IMPG2: variants seen among roughly 807,000 people sequenced by gnomAD.
IMPG2 encodes interphotoreceptor matrix proteoglycan 2.
Under a neutral mutation model 129.2 loss-of-function variants are expected in IMPG2, and 91 were observed. The observed-to-expected ratio is 0.70, with a 90% confidence interval of 0.59 to 0.84. The LOEUF is 0.84. Among genes scored for constraint, IMPG2 ranks in the 40% least tolerant of loss-of-function variants. The pLI is 0.00. For synonymous variants in IMPG2, 510 were observed against 517.7 expected, an observed-to-expected ratio of 0.99 and a Z score of 0.20; for missense variants, 1,430 against 1,461.7, an observed-to-expected ratio of 0.98 and a Z score of 0.35.
At chr3:101,237,781 G>C (rs1478124711) in intron 14 of IMPG2, among the ~76,000 whole-genome samples, 1 of 152,066 alleles carries the variant, frequency 6.6e-6, no homozygotes, top group Non-Finnish European at 1.5e-5. Context: ...GCACAAAAAG[G>C]CTGAAAATTC....
Position 101,243,822 on chromosome 3 carries a change from C to A in IMPG2, c.2509G>T (p.Asp837Tyr), listed in dbSNP as rs757193948. The A allele has an allele frequency of 6.2e-7, 1 of 1,614,062 alleles. No homozygotes were observed. The highest frequency in any genetic ancestry group is 1.3e-5 in the African/African-American group (1 of 74,920). Residue 837 changes from aspartate to tyrosine, a missense_variant, in exon 13 of 19, where the codon GAT becomes TAT. By Grantham distance (160) the Asp-to-Tyr change is radical (BLOSUM62 -3). Transcript: ENST00000193391. ...LEDEVIMGVQ[D>Y]ISLELDRIGT... Reference sequence around the variant, plus strand: ...ATCCGGTCCAGTTCTAACGAAATATCCTGTACACCCATAATTACTTCATCC... The same window carrying A: ...ATCCGGTCCAGTTCTAACGAAATATACTGTACACCCATAATTACTTCATCC...
chr3:101,234,462 T>C (rs1706324755), intron 14 of IMPG2, among the ~76,000 whole-genome samples: 1 of 152,072 alleles, frequency 6.6e-6, no homozygotes. Flanking sequence ...ATTCCTGTTG[T>C]TTTAAGGCAC....
intron 11 of IMPG2, among the ~76,000 whole-genome samples, chr3:101,251,734 C>T (rs1170279058): frequency 1.3e-5 from 2 of 151,862 alleles, no homozygotes; most frequent in Non-Finnish European, 2.9e-5. Flanking sequence ...TGAATAAAGC[C>T]TTTATTACTA....
intron 7 of IMPG2, among the ~76,000 whole-genome samples, chr3:101,272,309 G>A (rs1375609704): frequency 6.6e-6 from 1 of 152,124 alleles, no homozygotes; most frequent in African/African-American, 2.4e-5. Flanking sequence ...CCCTGCCTCT[G>A]CTGTTTCATG....
At position 101,224,138 on chromosome 3, in the gene IMPG2, C is replaced by A. The variant is rs1013934789; in HGVS notation, c.*2831G>T. The A allele has an allele frequency of 6.6e-6, 1 of 152,242 alleles. No individual in the cohort carries two copies. Among genetic ancestry groups the A allele is most frequent in the Non-Finnish European group, 1.5e-5 (1 of 68,056 alleles). 9.4% of individuals were successfully genotyped at this position (152,242 alleles called of 1,614,324 possible). On this transcript the variant is annotated 3_prime_UTR_variant, in exon 19 of 19. Transcript: ENST00000193391. ...CCAGCCTGGGTGACAGAGCGAGACTCCATCTCAAATAATAATAGTGATAAA... is the reference window on the plus strand; with the variant it reads ...CCAGCCTGGGTGACAGAGCGAGACTACATCTCAAATAATAATAGTGATAAA...
intron 2 of IMPG2, among the ~76,000 whole-genome samples, chr3:101,317,923 A>C (rs1205454782): frequency 6.6e-6 from 1 of 151,870 alleles, no homozygotes; most frequent in Non-Finnish European, 1.5e-5. Flanking sequence ...CTTATTTTAA[A>C]ATAATATAAA....
At chr3:101,262,132 C>A (rs541299511) in intron 9 of IMPG2, among the ~76,000 whole-genome samples, 6 of 152,112 alleles carry the variant, frequency 3.9e-5, no homozygotes, top group African/African-American at 1.2e-4. Flanking sequence ...CAAGATCAAC[C>A]AAAATAAGGA....
At chr3:101,276,787 T>G (rs1192226300) in intron 4 of IMPG2, 74 bp from the exon 5 acceptor site, 2 of 1,215,124 alleles carry the variant, frequency 1.6e-6, no homozygotes, top group African/African-American at 3.0e-5. Context: ...TTGGGGTTGT[T>G]TTCCAAAAAG....
At chr3:101,273,832 G>T in intron 6 of IMPG2, 90 bp from the exon 7 acceptor site, 1 of 1,203,360 alleles carries the variant, frequency 8.3e-7, no homozygotes, top group Non-Finnish European at 1.2e-6. Context: ...TCAGAACTGT[G>T]CTAAAGGCAG....
intron 14 of IMPG2, among the ~76,000 whole-genome samples, chr3:101,242,463 G>A (rs1706420001): frequency 6.6e-6 from 1 of 152,162 alleles, no homozygotes; most frequent in Non-Finnish European, 1.5e-5. Flanking sequence ...AAGGAATGGA[G>A]GTGAAATAAT....
chr3:101,258,526 T>C (rs1706637554), intron 9 of IMPG2, among the ~76,000 whole-genome samples: 1 of 152,180 alleles, frequency 6.6e-6, no homozygotes, highest in African/African-American at 2.4e-5. Flanking sequence ...CCCAATTAAC[T>C]ATGTGAATTT....
intron 10 of IMPG2, among the ~76,000 whole-genome samples, chr3:101,256,968 A>C (rs1432324291): frequency 6.6e-6 from 1 of 152,036 alleles, no homozygotes; most frequent in African/African-American, 2.4e-5. Flanking sequence ...CAGGTTAAAC[A>C]CCCTCTTCTT....
chr3:101,231,675 T>C (rs1254119536), intron 15 of IMPG2, among the ~76,000 whole-genome samples: 1 of 152,130 alleles, frequency 6.6e-6, no homozygotes, highest in East Asian at 1.9e-4. Context: ...TATAGAAGAG[T>C]CTGGATTATT....
intron 3 of IMPG2, among the ~76,000 whole-genome samples, chr3:101,303,425 G>T (rs1418697133): frequency 1.3e-5 from 2 of 152,134 alleles, no homozygotes; most frequent in Non-Finnish European, 2.9e-5. Context: ...AATCTTCTAG[G>T]CTGAGGTTTG....
chr3:101,292,904 T>C (rs1707037658), intron 3 of IMPG2, among the ~76,000 whole-genome samples: 1 of 152,168 alleles, frequency 6.6e-6, no homozygotes, highest in African/African-American at 2.4e-5. Flanking sequence ...TAAGAAGAAA[T>C]TTCTCATTCA....
Position 101,223,236 on chromosome 3 carries a change from T to C in IMPG2, c.*3733A>G, listed in dbSNP as rs1706184536. The C allele has an allele frequency of 6.6e-6, 1 of 152,204 alleles. No homozygotes were observed. Among genetic ancestry groups the C allele is most frequent in the Admixed American group, 6.5e-5 (1 of 15,282 alleles). 9.4% of individuals were successfully genotyped at this position (152,204 alleles called of 1,614,324 possible). ...TGCATTTATTACACAATTGGGAGAA[T>C]AAGCTAGGATCTTGACTCACTGCAG... On this transcript the variant is annotated 3_prime_UTR_variant, in exon 19 of 19. Coordinates refer to ENST00000193391, the MANE Select transcript of IMPG2 (RefSeq NM_016247.4).
intron 9 of IMPG2, among the ~76,000 whole-genome samples, chr3:101,260,566 A>G (rs764305835): frequency 3.5e-4 from 53 of 152,156 alleles, no homozygotes; most frequent in Non-Finnish European, 7.1e-4. Context: ...TCATTCTGAT[A>G]GACTGGCAGA....
At chr3:101,313,152 G>T (rs2058764507) in intron 2 of IMPG2, among the ~76,000 whole-genome samples, 1 of 152,102 alleles carries the variant, frequency 6.6e-6, no homozygotes. Context: ...GAAAGGGAAT[G>T]CATGCTTAAT....
intron 17 of IMPG2, 68 bp downstream of exon 17, chr3:101,229,306 ACCCACC>A: frequency 2.8e-6 from 1 of 362,592 alleles, no homozygotes; most frequent in Non-Finnish European, 5.5e-6. Flanking sequence ...ACACACCCCC[ACCCACC>A]ACCCCCTGCT....
Sources: allele counts gnomAD v4.1 joint callset (sites outside exome capture counted in the v4.1 genomes callset), GRCh38; gene constraint gnomAD v4.1.1; transcripts MANE v1.5; gene names NCBI Gene and HGNC (gene_info 2026-07-23, HGNC 2026-07-21).